Variants in UBASH3B observed in about 807,000 individuals in gnomAD.
UBASH3B encodes ubiquitin associated and SH3 domain containing B, also known as ubiquitin-associated and SH3 domain-containing protein B.
Under a neutral mutation model 83.4 loss-of-function variants are expected in UBASH3B, and 37 were observed. The observed-to-expected ratio is 0.44, with a 90% CI of 0.34 to 0.58. The LOEUF (loss-of-function observed/expected upper bound fraction) is 0.58, where lower values mean the gene tolerates loss of function less well. Among genes scored for constraint, UBASH3B ranks in the 20% least tolerant of loss-of-function variants. The pLI is 0.01. For missense variants in UBASH3B, 657 were observed against 827.2 expected (o/e 0.79, Z 2.52); for synonymous variants, 304 against 318.3 (o/e 0.96, Z 0.48).
intron 1 of UBASH3B, among the ~76,000 whole-genome samples, chr11:122,747,508 G>T (rs559952292): frequency 6.6e-5 from 10 of 152,292 alleles, no homozygotes; most frequent in South Asian, 2.1e-4. Context: ...GTGTGGGCTG[G>T]GCCATGGCTC....
intron 1 of UBASH3B, among the ~76,000 whole-genome samples, chr11:122,732,287 G>T (rs1860856727): frequency 6.6e-6 from 1 of 152,228 alleles, no homozygotes. Context: ...CTGGCTGCTG[G>T]CTCTTCCCAG....
At position 122,811,052 on chromosome 11, in the gene UBASH3B, A is replaced by G. The variant is rs1264907320; in HGVS notation, c.*1166A>G. The stretch of plus-strand genomic sequence containing the variant: ...GTTTTTCTATGATAATTTAAAATAC[A>G]TAGGTAGGGCTACTGAGGAAATTTG... On this transcript the variant is annotated 3_prime_UTR_variant, in exon 14 of 14. Transcript: ENST00000284273. The G allele has an allele frequency of 6.6e-6, 1 of 152,620 alleles. No homozygotes were observed. The highest frequency in any genetic ancestry group is 2.4e-5 in the African/African-American group (1 of 41,456). 9.5% of individuals were successfully genotyped at this position (152,620 alleles called of 1,614,324 possible). A position where few individuals can be genotyped will look rare whatever the true frequency, so the allele number is the denominator to read the frequency against.
chr11:122,664,184 G>T (rs1863484013), intron 1 of UBASH3B, among the ~76,000 whole-genome samples: 1 of 152,166 alleles, frequency 6.6e-6, no homozygotes, highest in South Asian at 2.1e-4. Context: ...GCCCAGAGGG[G>T]TGCGGGGCCT....
chr11:122,774,334 A>G (rs1565559925), intron 1 of UBASH3B: 13 of 980,826 alleles, frequency 1.3e-5, no homozygotes, highest in Non-Finnish European at 1.6e-5. Flanking sequence ...ATCATTTGGT[A>G]TCTGTGCGCA....
rs1861320211 is a variant in UBASH3B, at chr11:122,758,576, A to G, written c.162-17643A>G. Among the ~76,000 whole-genome samples, 1 of 152,218 alleles carries G rather than the reference A, an allele frequency of 6.6e-6. No homozygotes were observed. Among genetic ancestry groups the G allele is most frequent in the Non-Finnish European group, 1.5e-5 (1 of 68,038 alleles). ...CCGACCCTGTGCCAAACTCAGAGCT[A>G]AGCATGTCACATAACCCTAACAGCT... On this transcript the variant is annotated intron_variant, in intron 1 of 13. Coordinates refer to ENST00000284273, the MANE Select transcript of UBASH3B (RefSeq NM_032873.5). This position sits in a 1 kb window ranked among gnomAD's most constrained non-coding sequence, Gnocchi z 4.2.
chr11:122,769,677 T>A (rs148945920), intron 1 of UBASH3B, among the ~76,000 whole-genome samples: 4 of 152,348 alleles, frequency 2.6e-5, no homozygotes, highest in African/African-American at 9.6e-5. Flanking sequence ...AAAACTACTT[T>A]ATGAAAAAGT....
At chr11:122,768,172 G>A (rs1163000963) in intron 1 of UBASH3B, among the ~76,000 whole-genome samples, 1 of 152,144 alleles carries the variant, frequency 6.6e-6, no homozygotes, top group Non-Finnish European at 1.5e-5. Context: ...CTTCAGTCCT[G>A]TTGCCACATT....
intron 1 of UBASH3B, among the ~76,000 whole-genome samples, chr11:122,677,078 G>A (rs917922557): frequency 3.3e-5 from 5 of 152,084 alleles, no homozygotes; most frequent in African/African-American, 4.8e-5. Flanking sequence ...AATATTGGGG[G>A]GAAAAATTGC....
intron 1 of UBASH3B, among the ~76,000 whole-genome samples, chr11:122,666,256 G>A (rs1356153667): frequency 4.6e-5 from 7 of 152,196 alleles, no homozygotes; most frequent in Admixed American, 2.6e-4. Flanking sequence ...GAGAGCGTTC[G>A]CTCCCTAAGT....
intron 1 of UBASH3B, 198 bp from the exon 2 acceptor site, chr11:122,776,021 G>A (rs1263359706): frequency 2.0e-6 from 1 of 492,878 alleles, no homozygotes; most frequent in East Asian, 3.5e-5. Flanking sequence ...TAATCACATG[G>A]AAATTAATTA....
intron 10 of UBASH3B, among the ~76,000 whole-genome samples, chr11:122,800,383 C>CAAAAAAAAAAA (rs540359065): frequency 6.7e-4 from 51 of 76,508 alleles, no homozygotes; most frequent in Non-Finnish European, 1.2e-3. Context: ...ACTAAAAATA[C>CAAAAAAAAAAA]AAAAAAAAAA....
intron 1 of UBASH3B, among the ~76,000 whole-genome samples, chr11:122,680,380 G>A (rs879559850): frequency 6.6e-6 from 1 of 152,232 alleles, no homozygotes; most frequent in Non-Finnish European, 1.5e-5. Context: ...ACTCAGAGTG[G>A]GACAGTGACT....
rs1861324363 is a variant in UBASH3B at position 122,758,808 on chromosome 11, C to T, written c.162-17411C>T. 2.0e-5 allele frequency among the ~76,000 whole-genome samples: 3 copies of T among 152,182 alleles called. No individual in the cohort carries two copies. Among genetic ancestry groups the T allele is most frequent in the Admixed American group, 1.3e-4 (2 of 15,290 alleles). ...GCAATGAATTCAGATCAGCAATTTCCACTGGTTATGGGATTGGGATCTTCC... is the reference window on the plus strand; with the variant it reads ...GCAATGAATTCAGATCAGCAATTTCTACTGGTTATGGGATTGGGATCTTCC... On this transcript the variant is annotated intron_variant, in intron 1 of 13. Transcript: ENST00000284273. This position sits in a 1 kb window ranked among gnomAD's most constrained non-coding sequence, Gnocchi z 4.2.
chr11:122,740,168 T>C (rs961025224), intron 1 of UBASH3B, among the ~76,000 whole-genome samples: 1 of 152,214 alleles, frequency 6.6e-6, no homozygotes, highest in Non-Finnish European at 1.5e-5. Context: ...GGATCCCATA[T>C]TTTGTGGCAA....
At chr11:122,667,463 A>C (rs1863534903) in intron 1 of UBASH3B, among the ~76,000 whole-genome samples, 1 of 152,162 alleles carries the variant, frequency 6.6e-6, no homozygotes, top group Admixed American at 6.6e-5. Flanking sequence ...AATTAGCTAT[A>C]ATCTCCACCC....
chr11:122,680,743 G>A (rs796341263), intron 1 of UBASH3B, among the ~76,000 whole-genome samples: 13 of 152,230 alleles, frequency 8.5e-5, no homozygotes, highest in African/African-American at 2.4e-4. Flanking sequence ...GATTACAGGC[G>A]TGAGCCACCG....
At chr11:122,726,703 A>G (rs1368882490) in intron 1 of UBASH3B, among the ~76,000 whole-genome samples, 8 of 152,146 alleles carry the variant, frequency 5.3e-5, no homozygotes, top group African/African-American at 1.9e-4. Context: ...TTTCCCTTTC[A>G]CTTGTAGGAT....
chr11:122,673,521 T>C (rs1338367168), intron 1 of UBASH3B, among the ~76,000 whole-genome samples: 1 of 152,050 alleles, frequency 6.6e-6, no homozygotes, highest in Non-Finnish European at 1.5e-5. Context: ...TAGCTAGGCA[T>C]GGTGGCGGGC....
intron 1 of UBASH3B, among the ~76,000 whole-genome samples, chr11:122,763,305 C>T (rs1260918052): frequency 6.6e-6 from 1 of 152,152 alleles, no homozygotes; most frequent in Non-Finnish European, 1.5e-5. Flanking sequence ...GTTCCAGCCC[C>T]TTTTTAGCGA....
Sources: allele counts gnomAD v4.1 joint callset (sites outside exome capture counted in the v4.1 genomes callset), GRCh38; gene constraint gnomAD v4.1.1; non-coding constraint Gnocchi (gnomAD v3.1); transcripts MANE v1.5; gene names NCBI Gene and HGNC (gene_info 2026-07-23, HGNC 2026-07-21).